Variants in PRKCH observed in about 807,000 individuals in gnomAD.
PRKCH encodes protein kinase C eta, also known as protein kinase C eta type.
PRKCH carries 28 observed loss-of-function variants against 82.5 expected under a neutral mutation model. The ratio of observed to expected loss-of-function variants is 0.34; its 90% CI spans 0.25 to 0.47. The LOEUF (loss-of-function observed/expected upper bound fraction) is 0.47, where lower values mean the gene tolerates loss of function less well. Ranked by LOEUF, PRKCH falls within the 20% of genes least tolerant of loss-of-function variation. PRKCH has a pLI of 1.00. For synonymous variants in PRKCH, 322 were observed against 327.4 expected (o/e 0.98, Z 0.18); for missense variants, 705 against 881.8 (o/e 0.80, Z 2.54).
intron 12 of PRKCH, among the ~76,000 whole-genome samples, chr14:61,532,865 C>T (rs1486477302): frequency 1.3e-5 from 2 of 152,220 alleles, no homozygotes; most frequent in East Asian, 3.8e-4. Flanking sequence ...CTACAAGTCC[C>T]TTCACTTCTC....
chr14:61,514,932 T>A (rs770298270), intron 10 of PRKCH, among the ~76,000 whole-genome samples: 1 of 152,224 alleles, frequency 6.6e-6, no homozygotes. Flanking sequence ...GGCATTGATA[T>A]AAATTCTTAA....
At chr14:61,475,002 C>G (rs1436030148) in intron 9 of PRKCH, among the ~76,000 whole-genome samples, 1 of 152,192 alleles carries the variant, frequency 6.6e-6, no homozygotes, top group Admixed American at 6.5e-5. Flanking sequence ...GGCAAAGTGT[C>G]TAATCAACTA....
At chr14:61,365,331 GAA>G (rs1266930052) in intron 1 of PRKCH, among the ~76,000 whole-genome samples, 4 of 152,058 alleles carry the variant, frequency 2.6e-5, no homozygotes, top group Admixed American at 6.6e-5. Context: ...CTCTTTAAAG[GAA>G]AGTTTTGACA....
At chr14:61,390,674 CAA>C (rs950864010) in intron 1 of PRKCH, 22 of 149,534 alleles carry the variant, frequency 1.5e-4, no homozygotes, top group Non-Finnish European at 3.0e-4. Context: ...CTCTCTCTCT[CAA>C]AAAAAAAAGA....
chr14:61,317,204 G>A (rs998634017), upstream of PRKCH, among the ~76,000 whole-genome samples: 3 of 152,076 alleles, frequency 2.0e-5, no homozygotes, highest in African/African-American at 4.8e-5. Flanking sequence ...TCTCTCCTCG[G>A]TGTTGCTTAC....
intron 1 of PRKCH, chr14:61,361,024 G>A (rs1251478319): frequency 6.6e-6 from 1 of 152,254 alleles, no homozygotes; most frequent in East Asian, 1.9e-4. Flanking sequence ...GACAACCCCA[G>A]TGGACCACAG....
At chr14:61,413,418 C>CCCCCCCTCCCCCG (rs1226453137) in intron 2 of PRKCH, among the ~76,000 whole-genome samples, 1 of 105,666 alleles carries the variant, frequency 9.5e-6, no homozygotes, top group Non-Finnish European at 2.0e-5. Flanking sequence ...CCCCCCGCCC[C>CCCCCCCTCCCCCG]GCCCATGTAC....
Position 61,424,240 on chromosome 14 carries a change from A to G in PRKCH, c.428-18871A>G, listed in dbSNP as rs186118738. Among the ~76,000 whole-genome samples, 458 of 152,350 alleles carry G rather than the reference A, an allele frequency of 3.0e-3. 2 individuals are homozygous for G. Among genetic ancestry groups the G allele is most frequent in the African/African-American group, 0.011 (449 of 41,570 alleles). The stretch of plus-strand genomic sequence containing the variant: ...ACTAATATAGTAAATTGGTACTGAT[A>G]GAGTGGGGTACTGCTATAAAGATAC... On this transcript the variant is annotated intron_variant, in intron 2 of 13. Transcript: ENST00000332981.
intron 10 of PRKCH, 140 bp from the exon 11 acceptor site, chr14:61,528,935 G>T: frequency 2.6e-6 from 2 of 775,296 alleles, no homozygotes; most frequent in Non-Finnish European, 3.8e-6. Context: ...TCCTTTTGAC[G>T]TGTGTACAGG....
At chr14:61,313,582 C>G (rs76276222) in intron 1 of PRKCH, among the ~76,000 whole-genome samples, 1,594 of 152,180 alleles carry the variant, frequency 0.01, 31 homozygotes, top group African/African-American at 0.036. Flanking sequence ...AGTCTGTTCT[C>G]ATGCTGTTGA....
intron 11 of PRKCH, 69 bp from the exon 12 acceptor site, chr14:61,530,338 C>A: frequency 2.2e-6 from 3 of 1,391,186 alleles, no homozygotes; most frequent in Non-Finnish European, 2.8e-6. Context: ...ATCAATTTCC[C>A]TAGTTATGAA....
chr14:61,426,383 A>G (rs566165826), intron 2 of PRKCH, among the ~76,000 whole-genome samples: 3 of 152,280 alleles, frequency 2.0e-5, no homozygotes, highest in African/African-American at 7.2e-5. Flanking sequence ...TATTAATCCC[A>G]AACACAGACA....
At chr14:61,468,570 G>A (rs930622739) in intron 9 of PRKCH, among the ~76,000 whole-genome samples, 1 of 152,306 alleles carries the variant, frequency 6.6e-6, no homozygotes, top group Middle Eastern at 3.4e-3. Flanking sequence ...CCACAAAAAT[G>A]AATAGGAATA....
At chr14:61,414,257 A>G (rs1427782892) in intron 2 of PRKCH, among the ~76,000 whole-genome samples, 1 of 149,412 alleles carries the variant, frequency 6.7e-6, no homozygotes, top group Non-Finnish European at 1.5e-5. Context: ...GGGCACTCTC[A>G]ATGGGCTTCA....
At chr14:61,316,805 C>T (rs1467835261), upstream of PRKCH, among the ~76,000 whole-genome samples, 2 of 152,194 alleles carry the variant, frequency 1.3e-5, no homozygotes, top group African/African-American at 4.8e-5. Context: ...GATCCTCATT[C>T]TGCTGGGGCT....
chr14:61,285,090 T>TA (rs750927059), intron 1 of PRKCH, among the ~76,000 whole-genome samples: 9 of 152,042 alleles, frequency 5.9e-5, no homozygotes, highest in East Asian at 3.8e-4. Context: ...TAACCCTTTT[T>TA]AAAAAAAACT....
chr14:61,212,270 G>T (rs946643274), intron 1 of PRKCH, among the ~76,000 whole-genome samples: 47 of 152,222 alleles, frequency 3.1e-4, no homozygotes, highest in African/African-American at 1.1e-3. Flanking sequence ...ATCACTGAAA[G>T]AATTGCAGAG....
chr14:61,336,550 C>G (rs2045859782), intron 1 of PRKCH, among the ~76,000 whole-genome samples: 2 of 152,064 alleles, frequency 1.3e-5, no homozygotes, highest in African/African-American at 4.8e-5. Context: ...ACCAACAAAC[C>G]AGAAATAAAT....
At chr14:61,349,813 A>C (rs558752679) in intron 1 of PRKCH, among the ~76,000 whole-genome samples, 1 of 152,276 alleles carries the variant, frequency 6.6e-6, no homozygotes, top group Non-Finnish European at 1.5e-5. Flanking sequence ...GTAAGCTGAG[A>C]TCATGCCACT....
Sources: gnomAD v4.1 joint callset for allele counts (sites outside exome capture counted in the v4.1 genomes callset) on GRCh38, gnomAD v4.1.1 for gene constraint, MANE v1.5 for transcripts, NCBI Gene and HGNC (gene_info 2026-07-23, HGNC 2026-07-21) for gene names.